MROH1: variants seen among roughly 807,000 people sequenced by gnomAD.
MROH1 encodes the protein maestro heat-like repeat-containing protein family member 1.
MROH1 carries 117 observed loss-of-function variants against 116.5 expected under a neutral mutation model. The ratio of observed to expected loss-of-function variants is 1.00; its 90% CI spans 0.86 to 1.17. The LOEUF (loss-of-function observed/expected upper bound fraction) is 1.17. Ranked by LOEUF, MROH1 falls within the 50% of genes most tolerant of loss-of-function variation. The pLI is 0.00. For missense variants in MROH1, 1,873 were observed against 1,338.5 expected, an observed-to-expected ratio of 1.40 and a Z score of -6.23; for synonymous variants, 921 against 583.9, an observed-to-expected ratio of 1.58 and a Z score of -8.32.
chr8:144,197,417 C>CTTTTTTTTT lies in MROH1; in HGVS notation c.949-1677_949-1669dup, dbSNP rs79749774. ...AAGAGTGGGCAGGAAGCTGCAGCAT[C>CTTTTTTTTT]TTTTTTTTTTTTTTTTTTTTTTTTT... On this transcript the variant is annotated intron_variant, in intron 10 of 43. Transcript: ENST00000326134. Among the ~76,000 whole-genome samples, 99 of 42,500 alleles carry CTTTTTTTTT rather than the reference C, an allele frequency of 2.3e-3. 27 individuals are homozygous for CTTTTTTTTT. The highest frequency in any genetic ancestry group is 5.1e-3 in the South Asian group (4 of 782). 27.9% of individuals were successfully genotyped at this position (42,500 alleles called of 152,430 possible). A position where few individuals can be genotyped will look rare whatever the true frequency, so the allele number is the denominator to read the frequency against.
intron 35 of MROH1, 25 bp from the exon 36 acceptor site, chr8:144,258,752 G>A (rs1844407454): frequency 2.6e-6 from 2 of 757,886 alleles, no homozygotes; most frequent in African/African-American, 1.7e-5. Flanking sequence ...TGCCCTACCA[G>A]CTGAGCACCC....
chr8:144,184,254 T>C lies in MROH1; in HGVS notation c.562+3731T>C, dbSNP rs556131817. ...GGGTGACCAGTGTCCTACTGAATGT[T>C]TGCGTCCCAGTCAGGCTGCATGGCA... On this transcript the variant is annotated intron_variant, in intron 7 of 43. Transcript: ENST00000326134. 4.6e-5 allele frequency among the ~76,000 whole-genome samples: 7 copies of C among 152,250 alleles called. No individual in the cohort carries two copies. The East Asian group carries it at 1.4e-3, about 29-fold the overall frequency.
chr8:144,158,257 T>G (rs1251389038), intron 1 of MROH1, among the ~76,000 whole-genome samples: 1 of 152,028 alleles, frequency 6.6e-6, no homozygotes, highest in African/African-American at 2.4e-5. Context: ...CCTCCCAAAG[T>G]GCTGGGATTA....
At chr8:144,234,286 G>A (rs1839557087) in intron 14 of MROH1, among the ~76,000 whole-genome samples, 1 of 152,078 alleles carries the variant, frequency 6.6e-6, no homozygotes, top group Non-Finnish European at 1.5e-5. Context: ...TGGAATTAAG[G>A]CGTGAGCCAC....
At chr8:144,151,896 G>T (rs1018256940) in intron 1 of MROH1, among the ~76,000 whole-genome samples, 2 of 152,214 alleles carry the variant, frequency 1.3e-5, no homozygotes, top group Non-Finnish European at 2.9e-5. Context: ...CTGCACTGCC[G>T]TCGGCTCTGG....
chr8:144,259,786 A>G, intron 37 of MROH1, 125 bp from the exon 38 acceptor site: 1 of 695,944 alleles, frequency 1.4e-6, no homozygotes, highest in Non-Finnish European at 2.6e-6. Flanking sequence ...AGACCCAGGG[A>G]GTAGGTGCTC....
chr8:144,197,772 A>G (rs1239464324), intron 10 of MROH1, among the ~76,000 whole-genome samples: 12 of 146,032 alleles, frequency 8.2e-5, no homozygotes, highest in Non-Finnish European at 1.7e-4. Flanking sequence ...TGGTCTTTAC[A>G]GTAGAAATAA....
chr8:144,237,525 C>T (rs2132813332), intron 14 of MROH1, among the ~76,000 whole-genome samples: 1 of 152,346 alleles, frequency 6.6e-6, no homozygotes, highest in South Asian at 2.1e-4. Context: ...TTTTGTGTCT[C>T]ACTGACTTTG....
intron 33 of MROH1, 49 bp from the exon 34 acceptor site, chr8:144,254,764 G>T: frequency 1.4e-6 from 1 of 736,538 alleles, no homozygotes. Flanking sequence ...CGGGGGGCAG[G>T]CGCCCTGACC....
intron 4 of MROH1, among the ~76,000 whole-genome samples, chr8:144,173,331 C>T (rs1453086007): frequency 6.6e-6 from 1 of 151,786 alleles, no homozygotes; most frequent in Non-Finnish European, 1.5e-5. Flanking sequence ...TGGTCATGAA[C>T]TCCTGACCTC....
chr8:144,208,407 G>GGT (rs1554811266), intron 12 of MROH1, among the ~76,000 whole-genome samples: 1 of 146,680 alleles, frequency 6.8e-6, no homozygotes, highest in Non-Finnish European at 1.5e-5. Flanking sequence ...GGTGGGTGGG[G>GGT]TTTTTTTTTT....
At chr8:144,196,131 A>C (rs1342347244) in intron 10 of MROH1, among the ~76,000 whole-genome samples, 1 of 151,706 alleles carries the variant, frequency 6.6e-6, no homozygotes, top group East Asian at 2.0e-4. Flanking sequence ...TCTACTGAAA[A>C]TACAAAAAAT....
rs1842130805 is a variant in MROH1, at chr8:144,247,687, C to T, written c.3120+8C>T. The T allele has an allele frequency of 7.9e-6, 6 of 758,000 alleles. No individual in the cohort carries two copies. In the Admixed American group the frequency reaches 8.6e-5, roughly 11 times the overall value. The allele number at this position is 758,000 out of a possible 1,614,324, so 47.0% of individuals were successfully genotyped here. A position where few individuals can be genotyped will look rare whatever the true frequency, so the allele number is the denominator to read the frequency against. On this transcript the variant is annotated splice_region_variant and intron_variant, in intron 31 of 43. Coordinates refer to ENST00000326134, the MANE Select transcript of MROH1 (RefSeq NM_032450.3). ...TGCCACAGTGTAGGCCAGGTACCAG[C>T]TGGGAGCTCTGCGGCCGGAAGGCAG... is the stretch of plus-strand genomic sequence containing the variant.
chr8:144,172,642 CTTG>C (rs1419748603), intron 4 of MROH1, among the ~76,000 whole-genome samples: 2 of 152,124 alleles, frequency 1.3e-5, no homozygotes, highest in African/African-American at 4.8e-5. Context: ...AACTCCTGAC[CTTG>C]TGATCTGCCC....
chr8:144,166,654 G>GTGTT (rs1564375009), intron 3 of MROH1, among the ~76,000 whole-genome samples: 2 of 152,100 alleles, frequency 1.3e-5, no homozygotes, highest in Non-Finnish European at 2.9e-5. Flanking sequence ...TGGCACTGGG[G>GTGTT]TGTTGATGGG....
rs143827861 is a variant in MROH1 at position 144,230,166 on chromosome 8, T to G, written c.1338+6936T>G. Among the ~76,000 whole-genome samples, 48 of 152,318 alleles carry G rather than the reference T, an allele frequency of 3.2e-4. 2 individuals carry two copies. In the East Asian group the frequency reaches 8.1e-3, roughly 26 times the overall value. ...AGATGGCTTCTTTCCTTAACCCTCATGAACCAACCTCTGCCAGCTTCCAGC... is the reference window on the plus strand; with the variant it reads ...AGATGGCTTCTTTCCTTAACCCTCAGGAACCAACCTCTGCCAGCTTCCAGC... On this transcript the variant is annotated intron_variant, in intron 14 of 43. Coordinates refer to ENST00000326134, the MANE Select transcript of MROH1 (RefSeq NM_032450.3).
At chr8:144,210,919 C>T (rs994245817) in intron 12 of MROH1, among the ~76,000 whole-genome samples, 1 of 152,110 alleles carries the variant, frequency 6.6e-6, no homozygotes, top group Non-Finnish European at 1.5e-5. Context: ...AGGCAACTGT[C>T]ACCACCATCT....
At chr8:144,197,837 G>T (rs1301388804) in intron 10 of MROH1, among the ~76,000 whole-genome samples, 1 of 147,050 alleles carries the variant, frequency 6.8e-6, no homozygotes, top group Admixed American at 6.7e-5. Context: ...ACTTTGGGAG[G>T]CCGAGGCGGG....
At chr8:144,207,256 T>C (rs1833034657) in intron 12 of MROH1, among the ~76,000 whole-genome samples, 1 of 151,178 alleles carries the variant, frequency 6.6e-6, no homozygotes, top group South Asian at 2.1e-4. Context: ...GGTGCGATCT[T>C]GGCTCACTGC....
Sources: allele counts gnomAD v4.1 joint callset (sites outside exome capture counted in the v4.1 genomes callset), GRCh38; gene constraint gnomAD v4.1.1; transcripts MANE v1.5; gene names NCBI Gene and HGNC (gene_info 2026-07-23, HGNC 2026-07-21).